Variants in PRRC2B observed in about 807,000 individuals in gnomAD.
PRRC2B encodes the protein protein PRRC2B.
Under a neutral mutation model 242.3 loss-of-function variants are expected in PRRC2B, and 68 were observed. That is an observed-to-expected ratio of 0.28 (90% CI 0.23 to 0.34). The LOEUF (loss-of-function observed/expected upper bound fraction) is 0.34, where lower values mean the gene tolerates loss of function less well. Ranked by LOEUF, PRRC2B falls within the 10% of genes least tolerant of loss-of-function variation. The pLI is 1.00. For missense variants in PRRC2B, 2,835 were observed against 2,954.8 expected (o/e 0.96, Z 0.94); for synonymous variants, 1,228 against 1,173.6 (o/e 1.05, Z -0.95).
chr9:131,498,244 T>C lies in PRRC2B; in HGVS notation c.*2370T>C, dbSNP rs1225678246. On this transcript the variant is annotated 3_prime_UTR_variant, in exon 32 of 32. Transcript: ENST00000683519. ...AAAACAAAAAACACTAGAATTTATT[T>C]ATATGTATTGATGTTGTAGGTCTAG... is the stretch of plus-strand genomic sequence containing the variant. 1 of 152,208 alleles carries C rather than the reference T, an allele frequency of 6.6e-6. No homozygotes were observed. 9.4% of individuals were successfully genotyped at this position (152,208 alleles called of 1,614,324 possible).
chr9:131,390,286 G>A (rs1836882793), upstream of PRRC2B, among the ~76,000 whole-genome samples: 1 of 149,894 alleles, frequency 6.7e-6, no homozygotes, highest in African/African-American at 2.4e-5. Context: ...CTGGCACAGT[G>A]AGCACCAGAG....
In PRRC2B at chr9:131,446,778, G is replaced by A; in HGVS notation, c.855+136G>A. ...TACTTCTGAGGCTTCCACTCGTTTT[G>A]CATTTTCTCTCCCTGCTTTTTAAAT... On this transcript the variant is annotated intron_variant, in intron 7 of 31. Transcript: ENST00000683519. This position sits in a 1 kb window ranked among gnomAD's most constrained non-coding sequence, Gnocchi z 4.1. 9.6e-7 allele frequency: 1 copy of A among 1,038,594 alleles called. No individual in the cohort carries two copies. The highest frequency in any genetic ancestry group is 1.4e-6 in the Non-Finnish European group (1 of 724,178). 64.3% of individuals were successfully genotyped at this position (1,038,594 alleles called of 1,614,324 possible).
chr9:131,420,484 TC>T (rs1476486193), intron 1 of PRRC2B, among the ~76,000 whole-genome samples: 4 of 16,464 alleles, frequency 2.4e-4, no homozygotes, highest in African/African-American at 4.1e-4. Flanking sequence ...TTTCTTTCTT[TC>T]TTTCTTTCTT....
At chr9:131,437,150 C>T (rs943084783) in intron 4 of PRRC2B, among the ~76,000 whole-genome samples, 8 of 152,090 alleles carry the variant, frequency 5.3e-5, no homozygotes, top group East Asian at 1.9e-4. Flanking sequence ...CAAAACGAAG[C>T]GAGCTCCTTT....
intron 28 of PRRC2B, chr9:131,490,873 C>T (rs1387959671): frequency 1.3e-5 from 4 of 318,534 alleles, no homozygotes; most frequent in South Asian, 2.7e-5. Flanking sequence ...TCTGACTTTC[C>T]TCACTCGTCC....
Position 131,447,142 on chromosome 9 carries a change from C to T in PRRC2B, c.913C>T (p.Leu305Phe), listed in dbSNP as rs267602146. The T allele has an allele frequency of 6.2e-7, 1 of 1,614,004 alleles. No individual in the cohort carries two copies. The highest frequency in any genetic ancestry group is 8.5e-7 in the Non-Finnish European group (1 of 1,179,884). ...TACAGTGGAACGAGGCTCTTTTCCC[C>T]TTCCTCAGCTCCGCCTTGAACCTCG... Reference protein sequence around the residue: ...QGTVERGSFPLPQLRLEPRVP... With the variant: ...QGTVERGSFPFPQLRLEPRVP... Residue 305 changes from leucine to phenylalanine, a missense_variant, in exon 8 of 32, where the codon CTT becomes TTT. Coordinates refer to ENST00000683519, the MANE Select transcript of PRRC2B (RefSeq NM_013318.4).
chr9:131,495,684 T>C, intron 31 of PRRC2B, 56 bp from the exon 32 acceptor site: 2 of 1,575,524 alleles, frequency 1.3e-6, no homozygotes, highest in Non-Finnish European at 1.7e-6. Flanking sequence ...GAACTATGTA[T>C]CCAAACACGT....
Position 131,475,855 on chromosome 9 carries a change from C to G in PRRC2B, c.3726C>G (p.Ser1242=). ...GCTCTTGGCAGGAATATGGCCCTTC[C>G]GACACATGCGGATCCCGGCGACCTA... ...PGSSWQEYGP[S]DTCGSRRPTD... is the part of the protein sequence containing the mutation. Residue 1242 remains serine, a synonymous_variant, in exon 16 of 32, where the codon TCC becomes TCG. Transcript: ENST00000683519. 1 of 1,613,642 alleles carries G rather than the reference C, an allele frequency of 6.2e-7. No individual in the cohort carries two copies. The highest frequency in any genetic ancestry group is 1.3e-5 in the African/African-American group (1 of 75,028).
chr9:131,434,877 A>G (rs889986136), intron 3 of PRRC2B, among the ~76,000 whole-genome samples: 2 of 152,202 alleles, frequency 1.3e-5, no homozygotes, highest in African/African-American at 4.8e-5. Context: ...TCACTGACAC[A>G]GCCTTTTTTT....
chr9:131,422,054 T>A (rs950751640), intron 1 of PRRC2B, among the ~76,000 whole-genome samples: 9 of 152,116 alleles, frequency 5.9e-5, no homozygotes, highest in East Asian at 1.9e-4. Flanking sequence ...TTCTTTTTTT[T>A]ATTTTTTTAT....
chr9:131,425,451 G>A (rs1011722491), intron 1 of PRRC2B, among the ~76,000 whole-genome samples: 2 of 152,070 alleles, frequency 1.3e-5, no homozygotes, highest in African/African-American at 4.8e-5. Flanking sequence ...GAAAGTAGAG[G>A]CCAGGGCAAA....
At chr9:131,451,957 C>A (rs1347560012) in intron 9 of PRRC2B, among the ~76,000 whole-genome samples, 2 of 151,730 alleles carry the variant, frequency 1.3e-5, no homozygotes, top group Non-Finnish European at 2.9e-5. Flanking sequence ...TTTTAAAGTT[C>A]TGTCATGAGG....
chr9:131,380,886 CAAAA>C (rs61180556), intron 1 of PRRC2B, among the ~76,000 whole-genome samples: 1 of 108,344 alleles, frequency 9.2e-6, no homozygotes, highest in African/African-American at 3.4e-5. Context: ...ATTCTGTCTC[CAAAA>C]AAAAAAAAAG....
intron 28 of PRRC2B, chr9:131,490,380 C>T: frequency 2.0e-6 from 1 of 504,102 alleles, no homozygotes; most frequent in East Asian, 5.5e-5. Flanking sequence ...GATCATACCC[C>T]AAGTCAGCAC....
chr9:131,400,204 C>G (rs1837190854), intron 1 of PRRC2B, among the ~76,000 whole-genome samples: 1 of 152,170 alleles, frequency 6.6e-6, no homozygotes, highest in African/African-American at 2.4e-5. Flanking sequence ...CTGCCTTAGC[C>G]TCCCAAGTAG....
intron 9 of PRRC2B, among the ~76,000 whole-genome samples, chr9:131,450,591 G>A (rs967359635): frequency 1.4e-5 from 2 of 146,614 alleles, no homozygotes; most frequent in African/African-American, 5.1e-5. Flanking sequence ...AAACTTGGTG[G>A]TGTTTTTTTT....
intron 13 of PRRC2B, among the ~76,000 whole-genome samples, chr9:131,470,309 C>G (rs1564294161): frequency 6.6e-6 from 1 of 152,090 alleles, no homozygotes; most frequent in Non-Finnish European, 1.5e-5. Context: ...TAGGGGTTGA[C>G]ATATTGGGCG....
In PRRC2B at chr9:131,483,440, A is replaced by T. The variant is rs767675647; in HGVS notation, c.5455A>T (p.Ser1819Cys). ...PVVKLQDALA[S>C]NAGLTQSIPI... ...TGTTAAACTTCAGGATGCCTTGGCC[A>T]GTAATGTAAGTCCACACTTCCACTT... The change falls in exon 23 of 32, where the codon AGT becomes TGT. Residue 1819 changes from serine (S) to cysteine (C), a missense_variant. Coordinates refer to ENST00000683519, the MANE Select transcript of PRRC2B (RefSeq NM_013318.4). 3.1e-6 allele frequency: 5 copies of T among 1,613,686 alleles called. No homozygotes were observed. Among genetic ancestry groups the T allele is most frequent in the South Asian group, 2.2e-5 (2 of 91,072 alleles).
chr9:131,470,720 G>T, intron 13 of PRRC2B, 68 bp from the exon 14 acceptor site: 1 of 1,314,054 alleles, frequency 7.6e-7, no homozygotes, highest in African/African-American at 1.5e-5. Context: ...CTGGAAGGGC[G>T]TGTGTTGGGT....
Sources: allele counts gnomAD v4.1 joint callset (sites outside exome capture counted in the v4.1 genomes callset), GRCh38; gene constraint gnomAD v4.1.1; non-coding constraint Gnocchi (gnomAD v3.1); transcripts MANE v1.5; gene names NCBI Gene and HGNC (gene_info 2026-07-23, HGNC 2026-07-21).